DDHD1: variants seen among roughly 807,000 people sequenced by gnomAD.
DDHD1 encodes phospholipase DDHD1.
A neutral mutation model predicts 96.4 loss-of-function variants in DDHD1; 49 were observed. The observed-to-expected ratio is 0.51, with a 90% CI of 0.40 to 0.64. The LOEUF (loss-of-function observed/expected upper bound fraction) is 0.64. DDHD1 is among the 30% of genes least tolerant of loss of function. DDHD1 has a pLI of 0.00. For missense variants in DDHD1, 1,106 were observed against 1,161.2 expected, an observed-to-expected ratio of 0.95 and a Z score of 0.69; for synonymous variants, 442 against 446.5, an observed-to-expected ratio of 0.99 and a Z score of 0.13.
chr14:53,080,828 C>G (rs1175830735), intron 4 of DDHD1, among the ~76,000 whole-genome samples: 3 of 149,864 alleles, frequency 2.0e-5, no homozygotes, highest in African/African-American at 7.4e-5. Flanking sequence ...AACTCCTGGG[C>G]TCAAGCGATT....
At chr14:53,143,447 T>C (rs891048745) in intron 1 of DDHD1, among the ~76,000 whole-genome samples, 12 of 152,152 alleles carry the variant, frequency 7.9e-5, no homozygotes, top group Admixed American at 4.6e-4. Flanking sequence ...AAGGGTACAC[T>C]TGCCAGCAGT....
At position 53,041,723 on chromosome 14, in the gene DDHD1, T is replaced by C. The variant is rs972868158; in HGVS notation, c.*5045A>G. ...TCTTCTTTTTCCTGGGTATTTTGAATCTGAGGCATAAACGGAAGTCTGTCC... is the reference window on the plus strand; with the variant it reads ...TCTTCTTTTTCCTGGGTATTTTGAACCTGAGGCATAAACGGAAGTCTGTCC... On this transcript the variant is annotated 3_prime_UTR_variant, in exon 13 of 13. Transcript: ENST00000673822. 6.6e-6 allele frequency: 1 copy of C among 152,220 alleles called. No homozygotes were observed. The highest frequency in any genetic ancestry group is 2.4e-5 in the African/African-American group (1 of 41,468). The allele number at this position is 152,220 out of a possible 1,614,324, so 9.4% of individuals were successfully genotyped here. A position where few individuals can be genotyped will look rare whatever the true frequency, so the allele number is the denominator to read the frequency against.
At chr14:53,125,993 G>A (rs558528325) in intron 1 of DDHD1, among the ~76,000 whole-genome samples, 7 of 152,078 alleles carry the variant, frequency 4.6e-5, no homozygotes, top group African/African-American at 1.4e-4. Flanking sequence ...GAGCCACCGC[G>A]CCCAGCAAAG....
rs35996453 is a variant in DDHD1, at chr14:53,124,249, T to TTATA, written c.839-20397_839-20394dup. On this transcript the variant is annotated intron_variant, in intron 1 of 12. Transcript: ENST00000673822. The stretch of plus-strand genomic sequence containing the variant: ...AAACTCTGTCTCAAAAAAAAAAAAA[T>TTATA]TATATATATATATATGGTTAAAAAT... 1.2e-4 allele frequency among the ~76,000 whole-genome samples: 17 copies of TTATA among 146,430 alleles called. 1 individual carries two copies. Among genetic ancestry groups the TTATA allele is most frequent in the African/African-American group, 4.4e-4 (17 of 38,650 alleles).
chr14:53,062,522 A>AT (rs1268963758), intron 7 of DDHD1, among the ~76,000 whole-genome samples: 1 of 152,062 alleles, frequency 6.6e-6, no homozygotes, highest in African/African-American at 2.4e-5. Context: ...CATGTAAAAA[A>AT]ATATATTTGC....
chr14:53,106,706 A>G (rs1566570944), intron 1 of DDHD1, among the ~76,000 whole-genome samples: 1 of 152,202 alleles, frequency 6.6e-6, no homozygotes, highest in Non-Finnish European at 1.5e-5. Flanking sequence ...TATTAATAAT[A>G]TAATCTTTTT....
At position 53,152,268 on chromosome 14, in the gene DDHD1, G is replaced by A. The variant is rs368725055; in HGVS notation, c.831C>T (p.Tyr277=). The A allele has an allele frequency of 5.5e-5, 88 of 1,605,206 alleles. No homozygotes were observed. The highest frequency in any genetic ancestry group is 3.3e-4 in the Middle Eastern group (2 of 6,012). Reference sequence around the variant, plus strand: ...CCCCGGCCCGCTACTCACGGTTCCAGTACACCGGGTAGCACTCTCCTTGGG... The same window carrying A: ...CCCCGGCCCGCTACTCACGGTTCCAATACACCGGGTAGCACTCTCCTTGGG... ...DVTQGECYPV[Y]WNQADKIPVM... is the part of the protein sequence containing the mutation. The change falls in exon 1 of 13, where the codon TAC becomes TAT. Residue 277 remains tyrosine (Y), a synonymous_variant. Transcript: ENST00000673822.
At chr14:53,131,313 T>A (rs1273777899) in intron 1 of DDHD1, among the ~76,000 whole-genome samples, 1 of 152,148 alleles carries the variant, frequency 6.6e-6, no homozygotes, top group Admixed American at 6.5e-5. Context: ...ACTCCCTCCA[T>A]GGCAACCAAT....
At chr14:53,122,344 T>C (rs1457567178) in intron 1 of DDHD1, among the ~76,000 whole-genome samples, 1 of 152,156 alleles carries the variant, frequency 6.6e-6, no homozygotes, top group Non-Finnish European at 1.5e-5. Context: ...GTTCCACAGC[T>C]AGGCACCTCC....
chr14:53,149,611 T>C (rs750350150), intron 1 of DDHD1, among the ~76,000 whole-genome samples: 16 of 152,242 alleles, frequency 1.1e-4, no homozygotes, highest in Non-Finnish European at 1.6e-4. Context: ...GTTTTTATTA[T>C]AGCTTATACA....
intron 2 of DDHD1, among the ~76,000 whole-genome samples, chr14:53,102,666 A>G (rs940059604): frequency 1.3e-5 from 2 of 152,036 alleles, no homozygotes; most frequent in African/African-American, 4.8e-5. Flanking sequence ...GAGGTAAGAG[A>G]GAGCAAAGAG....
At chr14:53,111,657 A>C (rs901614636) in intron 1 of DDHD1, among the ~76,000 whole-genome samples, 1 of 152,094 alleles carries the variant, frequency 6.6e-6, no homozygotes, top group East Asian at 1.9e-4. Context: ...AAAATACATT[A>C]GACTCAGCAA....
chr14:53,088,152 G>A (rs930962242), intron 4 of DDHD1, among the ~76,000 whole-genome samples: 1 of 152,008 alleles, frequency 6.6e-6, no homozygotes, highest in African/African-American at 2.4e-5. Flanking sequence ...ACCAATAATA[G>A]GCTCTGAAAT....
chr14:53,103,728 C>T lies in DDHD1; in HGVS notation c.967G>A (p.Glu323Lys), dbSNP rs1837569975. ...LNCFRGQQMQ[E>K]NFDIEVSKSI... ...TTTGACACTTCAATATCGAAATTTTCCTGCATCTGCTGGCCCCTAAAACAA... is the reference window on the plus strand; with the variant it reads ...TTTGACACTTCAATATCGAAATTTTTCTGCATCTGCTGGCCCCTAAAACAA... The change falls in exon 2 of 13, where the codon GAA becomes AAA. Residue 323 changes from glutamate to lysine, a missense_variant. Transcript: ENST00000673822. 1 of 1,612,956 alleles carries T rather than the reference C, an allele frequency of 6.2e-7. No individual in the cohort carries two copies. Among genetic ancestry groups the T allele is most frequent in the Non-Finnish European group, 8.5e-7 (1 of 1,179,670 alleles).
chr14:53,041,636 A>C lies in DDHD1; in HGVS notation c.*5132T>G, dbSNP rs1463817112. 1 of 152,238 alleles carries C rather than the reference A, an allele frequency of 6.6e-6. No individual in the cohort carries two copies. 9.4% of individuals were successfully genotyped at this position (152,238 alleles called of 1,614,324 possible). ...CATTTGTCACCAGAATAGAAAACTAACAAAATATTTCCTGGATATCTTATT... is the reference window on the plus strand; with the variant it reads ...CATTTGTCACCAGAATAGAAAACTACCAAAATATTTCCTGGATATCTTATT... On this transcript the variant is annotated 3_prime_UTR_variant, in exon 13 of 13. Transcript: ENST00000673822.
chr14:53,128,611 G>A (rs1889633984), intron 1 of DDHD1, among the ~76,000 whole-genome samples: 2 of 152,216 alleles, frequency 1.3e-5, no homozygotes, highest in African/African-American at 4.8e-5. Flanking sequence ...TCAGTCCACT[G>A]TAGGAGCATA....
At position 53,054,513 on chromosome 14, in the gene DDHD1, C is replaced by T. The variant is rs1294855826; in HGVS notation, c.2362G>A (p.Val788Ile). 2 of 1,613,986 alleles carry T rather than the reference C, an allele frequency of 1.2e-6. No homozygotes were observed. The highest frequency in any genetic ancestry group is 1.7e-5 in the Admixed American group (1 of 59,990). Residue 788 changes from valine (V) to isoleucine (I), a missense_variant, in exon 11 of 13, where the codon GTT becomes ATT. By Grantham distance (29) the Val-to-Ile change is conservative (BLOSUM62 3). This residue lies in a region of DDHD1 where 650 missense variants were observed against 758.8 expected (regional missense o/e 0.86). Transcript: ENST00000673822. ...KDSMEDEKKPVASPSATTVGT... is the reference protein window; with the variant it reads ...KDSMEDEKKPIASPSATTVGT... The stretch of plus-strand genomic sequence containing the variant: ...ACGGTGGTAGCAGAAGGTGAGGCAA[C>T]TGGCTTCTTCTCATCTTCCATTGAG...
rs2139937244 is a variant in DDHD1 at position 53,152,754 on chromosome 14, C to A, written c.345G>T (p.Leu115Phe). Reference protein sequence around the residue: ...EGESGGGGSSLSLHPPQQPPL... With the variant: ...EGESGGGGSSFSLHPPQQPPL... ...GAGGCTGCTGCGGCGGGTGCAGCGA[C>A]AAGGAGCTGCCGCCGCCGCCGCTCT... is the stretch of plus-strand genomic sequence containing the variant. Residue 115 changes from leucine (L) to phenylalanine (F), a missense_variant, in exon 1 of 13, where the codon TTG (leucine) becomes TTT (phenylalanine). By Grantham distance (22) the Leu-to-Phe change is conservative. Transcript: ENST00000673822. The A allele has an allele frequency of 6.5e-7, 1 of 1,545,288 alleles. No individual in the cohort carries two copies. The highest frequency in any genetic ancestry group is 8.7e-7 in the Non-Finnish European group (1 of 1,149,336).
chr14:53,074,226 T>C (rs1017716574), intron 4 of DDHD1, among the ~76,000 whole-genome samples: 3 of 152,018 alleles, frequency 2.0e-5, no homozygotes, highest in African/African-American at 7.2e-5. Context: ...TTCCATAATA[T>C]AAATTTTAAA....
Sources: gnomAD v4.1 joint callset for allele counts (sites outside exome capture counted in the v4.1 genomes callset) on GRCh38, gnomAD v4.1.1 for gene constraint, gnomAD v4.1.1 regional missense constraint, MANE v1.5 for transcripts, NCBI Gene and HGNC (gene_info 2026-07-23, HGNC 2026-07-21) for gene names.